Variants in ZBED4 observed in about 807,000 individuals in gnomAD.
ZBED4 encodes zinc finger BED-type containing 4, also known as zinc finger BED domain-containing protein 4.
A neutral mutation model predicts 15.5 loss-of-function variants in ZBED4; 4 were observed. That is an observed-to-expected ratio of 0.26 (90% CI 0.13 to 0.59). The LOEUF (loss-of-function observed/expected upper bound fraction) is 0.59, where lower values mean the gene tolerates loss of function less well. Among genes scored for constraint, ZBED4 ranks in the 20% least tolerant of loss-of-function variants. The probability of loss-of-function intolerance (pLI) is 0.90; values close to 1 mark genes in which losing one functional copy is unlikely to be tolerated. For synonymous variants in ZBED4, 692 were observed against 608.5 expected (o/e 1.14, Z -2.02); for missense variants, 1,323 against 1,461.8 (o/e 0.91, Z 1.55).
intron 1 of ZBED4, among the ~76,000 whole-genome samples, chr22:49,882,786 G>A (rs1384190703): frequency 6.6e-6 from 1 of 152,248 alleles, no homozygotes; most frequent in East Asian, 1.9e-4. Flanking sequence ...TGGGTGACAG[G>A]AGGATGGGCT....
At chr22:49,871,965 C>T (rs1025526012) in intron 1 of ZBED4, among the ~76,000 whole-genome samples, 5 of 151,900 alleles carry the variant, frequency 3.3e-5, no homozygotes, top group Admixed American at 1.3e-4. Context: ...AGGCTGGTCT[C>T]GAACTCTTCA....
chr22:49,862,858 C>G (rs934318584), intron 1 of ZBED4, among the ~76,000 whole-genome samples: 2 of 151,972 alleles, frequency 1.3e-5, no homozygotes, highest in East Asian at 1.9e-4. Flanking sequence ...CCCACCACCA[C>G]GCCTGGCTAA....
Position 49,886,832 on chromosome 22 carries a change from ACT to A in ZBED4, c.3173_3174del (p.Ser1058CysfsTer24), listed in dbSNP as rs1441499591. 6.2e-7 allele frequency: 1 copy of A among 1,613,640 alleles called. No homozygotes were observed. On this transcript the variant is annotated frameshift_variant, in exon 2 of 2. Coordinates refer to ENST00000216268, the MANE Select transcript of ZBED4 (RefSeq NM_014838.3). LOFTEE classifies it low-confidence loss of function (END_TRUNC). This position sits in a 1 kb window ranked among gnomAD's most constrained non-coding sequence, Gnocchi z 7.7. ...TGTGATGCTGGCTCCCCGTCGAAAG[ACT>A]CTGCCGCAGAGGAGAACCTGTGGTC... is the stretch of plus-strand genomic sequence containing the variant.
At chr22:49,878,260 C>T (rs1270159483) in intron 1 of ZBED4, among the ~76,000 whole-genome samples, 2 of 148,736 alleles carry the variant, frequency 1.3e-5, no homozygotes, top group Non-Finnish European at 3.0e-5. Flanking sequence ...AGCCAACGCA[C>T]CACTGCACTC....
chr22:49,873,230 G>A (rs2060357421), intron 1 of ZBED4, among the ~76,000 whole-genome samples: 1 of 152,202 alleles, frequency 6.6e-6, no homozygotes, highest in African/African-American at 2.4e-5. Flanking sequence ...TCATCACTAA[G>A]CTTAATCATT....
chr22:49,861,457 A>G (rs981714021), intron 1 of ZBED4, among the ~76,000 whole-genome samples: 2 of 151,930 alleles, frequency 1.3e-5, no homozygotes, highest in African/African-American at 4.8e-5. Flanking sequence ...GTTTTGAGAT[A>G]GCGTCTGGCT....
rs2147545666 is a variant in ZBED4, at chr22:49,883,610, T to C, written c.-53T>C. 8 of 1,474,044 alleles carry C rather than the reference T, an allele frequency of 5.4e-6. No homozygotes were observed. The South Asian group carries it at 1.1e-4, about 20-fold the overall frequency. The allele number at this position is 1,474,044 out of a possible 1,614,324, so 91.3% of individuals were successfully genotyped here. A position where few individuals can be genotyped will look rare whatever the true frequency, so the allele number is the denominator to read the frequency against. ...TACATTCGGGGGCACAAATGAGCAC[T>C]TGGATCAGTGTTTTATGAACCTAAG... On this transcript the variant is annotated 5_prime_UTR_variant, in exon 2 of 2. Coordinates refer to ENST00000216268, the MANE Select transcript of ZBED4 (RefSeq NM_014838.3).
chr22:49,869,560 T>A (rs1456556795), intron 1 of ZBED4, among the ~76,000 whole-genome samples: 1 of 152,242 alleles, frequency 6.6e-6, no homozygotes, highest in African/African-American at 2.4e-5. Flanking sequence ...TTGGCTCTCA[T>A]TTTTCACAGC....
Position 49,884,117 on chromosome 22 carries a change from T to C in ZBED4, c.455T>C (p.Leu152Ser). The C allele has an allele frequency of 6.2e-7, 1 of 1,613,592 alleles. No individual in the cohort carries two copies. Among genetic ancestry groups the C allele is most frequent in the Non-Finnish European group, 8.5e-7 (1 of 1,179,856 alleles). Residue 152 changes from leucine (L) to serine (S), a missense_variant, in exon 2 of 2, where the codon TTG (leucine) becomes TCG (serine). Coordinates refer to ENST00000216268, the MANE Select transcript of ZBED4 (RefSeq NM_014838.3). ...EFSRGKNEKD[L>S]STSCLMRHVR... ...AGCAGAGGCAAAAACGAGAAAGACT[T>C]GAGTACCAGTTGTCTCATGAGGCAC...
chr22:49,866,557 CT>C (rs1473493587), intron 1 of ZBED4, among the ~76,000 whole-genome samples: 1 of 151,950 alleles, frequency 6.6e-6, no homozygotes, highest in Admixed American at 6.6e-5. Context: ...TTTTTCTATC[CT>C]GATTTATGTT....
intron 1 of ZBED4, among the ~76,000 whole-genome samples, chr22:49,871,305 G>A (rs1168520301): frequency 3.9e-5 from 6 of 151,904 alleles, no homozygotes; most frequent in Admixed American, 3.9e-4. Flanking sequence ...TGGCCAATGT[G>A]GTGAAACCCC....
chr22:49,854,060 G>A (rs1366496761), intron 1 of ZBED4, 71 bp downstream of exon 1: 1 of 143,970 alleles, frequency 6.9e-6, no homozygotes, highest in Non-Finnish European at 1.5e-5. Flanking sequence ...GCCGGGGCCG[G>A]GCCGGGCCGC....
At chr22:49,877,136 G>A (rs5769764) in intron 1 of ZBED4, among the ~76,000 whole-genome samples, 97,843 of 152,046 alleles carry the variant, frequency 0.64, 35,665 homozygotes, top group East Asian at 0.85. Context: ...TTTCCTAAAC[G>A]AGAAAAAGAT....
At chr22:49,866,773 C>CT (rs2060324022) in intron 1 of ZBED4, among the ~76,000 whole-genome samples, 2 of 152,140 alleles carry the variant, frequency 1.3e-5, no homozygotes, top group African/African-American at 4.8e-5. Context: ...TCTAGTGCTG[C>CT]TTTAACAAAT....
At chr22:49,875,570 A>G (rs5770740) in intron 1 of ZBED4, among the ~76,000 whole-genome samples, 97,611 of 151,606 alleles carry the variant, frequency 0.64, 35,590 homozygotes, top group East Asian at 0.85. Context: ...ACAGGTGCGC[A>G]CCACCACGCC....
chr22:49,859,210 T>A (rs1299625183), intron 1 of ZBED4, among the ~76,000 whole-genome samples: 1 of 152,178 alleles, frequency 6.6e-6, no homozygotes, highest in Non-Finnish European at 1.5e-5. Flanking sequence ...TGTTACGTCT[T>A]AGAAAATGCT....
At chr22:49,880,291 C>A (rs538496748) in intron 1 of ZBED4, among the ~76,000 whole-genome samples, 2 of 152,328 alleles carry the variant, frequency 1.3e-5, no homozygotes, top group East Asian at 3.9e-4. Context: ...CCTGGCAGTT[C>A]TTTTCCCCTT....
rs1483884521 is a variant in ZBED4 at position 49,885,434 on chromosome 22, A to G, written c.1772A>G (p.Lys591Arg). ...GGCCGGACCATCAGCCGGGGGAAGA[A>G]GCCGACTAACTTGGGTACCAGCTGT... Reference protein sequence around the residue: ...HCGRTISRGKKPTNLGTSCLL... With the variant: ...HCGRTISRGKRPTNLGTSCLL... The change falls in exon 2 of 2, where the codon AAG becomes AGG. Residue 591 changes from lysine (K) to arginine (R), a missense_variant. Transcript: ENST00000216268. 6.2e-6 allele frequency: 10 copies of G among 1,609,848 alleles called. No homozygotes were observed. Among genetic ancestry groups the G allele is most frequent in the Non-Finnish European group, 8.5e-6 (10 of 1,176,362 alleles).
Position 49,872,564 on chromosome 22 carries a change from C to T in ZBED4, c.-329-10770C>T, listed in dbSNP as rs116284273. The stretch of plus-strand genomic sequence containing the variant: ...TTGTTTTTAGAGATATGGTCTTGCT[C>T]TGTCACCAAGGCTAAAGTGCAGTGT... On this transcript the variant is annotated intron_variant, in intron 1 of 1. Transcript: ENST00000216268. Among the ~76,000 whole-genome samples the T allele has an allele frequency of 3.3e-5, 5 of 152,202 alleles. No homozygotes were observed. In the East Asian group the frequency reaches 5.8e-4, roughly 18 times the overall value.
Sources: allele counts gnomAD v4.1 joint callset (sites outside exome capture counted in the v4.1 genomes callset), GRCh38; gene constraint gnomAD v4.1.1; non-coding constraint Gnocchi (gnomAD v3.1); transcripts MANE v1.5; gene names NCBI Gene and HGNC (gene_info 2026-07-23, HGNC 2026-07-21).